The following OLFM1 variants were observed in gnomAD, a reference collection of about 807,000 sequenced individuals.
OLFM1 encodes the protein olfactomedin 1.
In OLFM1, 9 loss-of-function variants were observed where a neutral mutation model predicts 49.7. The ratio of observed to expected loss-of-function variants is 0.18; its 90% CI spans 0.11 to 0.32. OLFM1 has a LOEUF of 0.32. Ranked by LOEUF, OLFM1 falls within the 10% of genes least tolerant of loss-of-function variation. OLFM1 has a pLI of 1.00. For missense variants in OLFM1, 369 were observed against 661.8 expected, an observed-to-expected ratio of 0.56 and a Z score of 4.85; for synonymous variants, 240 against 271.8, an observed-to-expected ratio of 0.88 and a Z score of 1.15.
At chr9:135,085,295 C>T (rs1392646009), upstream of OLFM1, among the ~76,000 whole-genome samples, 2 of 152,218 alleles carry the variant, frequency 1.3e-5, no homozygotes, top group African/African-American at 4.8e-5. Context: ...TGGAACTGTG[C>T]GGACAGCCAG....
In OLFM1 at chr9:135,088,707, C is replaced by A. The variant is rs1265583366; in HGVS notation, c.150+568C>A. ...CCAAAGTCCCAAGGCGCCCTTTCCT[C>A]CCCAGTCCATAGGAGGGTTTGTTCC... On this transcript the variant is annotated intron_variant, in intron 1 of 5. Coordinates refer to ENST00000371793, the MANE Select transcript of OLFM1 (RefSeq NM_001282611.2). The surrounding 1 kb of genome is among the most constrained non-coding windows in gnomAD (Gnocchi z 4.8). 6.6e-6 allele frequency among the ~76,000 whole-genome samples: 1 copy of A among 152,176 alleles called. No individual in the cohort carries two copies. The highest frequency in any genetic ancestry group is 1.5e-5 in the Non-Finnish European group (1 of 68,020).
chr9:135,094,835 T>G (rs1830764948), intron 2 of OLFM1, among the ~76,000 whole-genome samples: 7 of 152,110 alleles, frequency 4.6e-5, no homozygotes, highest in Admixed American at 4.6e-4. Flanking sequence ...CCCAAATGAT[T>G]TTGTTCCTAG....
At chr9:135,076,151 G>C in intron 1 of OLFM1, 2 of 1,550,030 alleles carry the variant, frequency 1.3e-6, no homozygotes. Context: ...AAGAGTGAGA[G>C]CCGGATAGCC....
chr9:135,097,617 C>T (rs546590894), intron 3 of OLFM1, among the ~76,000 whole-genome samples: 12 of 152,266 alleles, frequency 7.9e-5, no homozygotes, highest in Non-Finnish European at 1.3e-4. Context: ...GAAATTGTGA[C>T]GAGGGAATCT....
chr9:135,100,288 G>A (rs140207849), intron 4 of OLFM1, among the ~76,000 whole-genome samples: 3 of 152,262 alleles, frequency 2.0e-5, no homozygotes, highest in African/African-American at 4.8e-5. Context: ...CACCCCTCCC[G>A]GATGAGCTGG....
At position 135,114,263 on chromosome 9, in the gene OLFM1, G is replaced by C. The variant is rs981298321; in HGVS notation, c.784-5241G>C. 2.0e-5 allele frequency among the ~76,000 whole-genome samples: 3 copies of C among 149,468 alleles called. No homozygotes were observed. The South Asian group carries it at 6.4e-4, about 32-fold the overall frequency. On this transcript the variant is annotated intron_variant, in intron 5 of 5. Transcript: ENST00000371793. ...AGCCTCCCGAGTAGCTGGGATTACA[G>C]GCACGTGCCACCATGTCCAGCTAAT...
intron 5 of OLFM1, among the ~76,000 whole-genome samples, chr9:135,112,995 C>G (rs551672557): frequency 6.6e-6 from 1 of 152,184 alleles, no homozygotes; most frequent in Non-Finnish European, 1.5e-5. Flanking sequence ...CCTTGGGAAC[C>G]TGGGTGGAAG....
chr9:135,092,796 G>A (rs1830734177), intron 2 of OLFM1, among the ~76,000 whole-genome samples: 1 of 152,186 alleles, frequency 6.6e-6, no homozygotes, highest in African/African-American at 2.4e-5. Flanking sequence ...ACCATAGCGG[G>A]CACTCTATTT....
At chr9:135,105,485 C>A (rs1017694918) in intron 4 of OLFM1, among the ~76,000 whole-genome samples, 5 of 152,222 alleles carry the variant, frequency 3.3e-5, no homozygotes, top group African/African-American at 7.2e-5. Context: ...CAGTAACAGG[C>A]CACTTCCAGT....
At chr9:135,089,606 C>T (rs947966630) in intron 1 of OLFM1, among the ~76,000 whole-genome samples, 7 of 152,202 alleles carry the variant, frequency 4.6e-5, no homozygotes, top group African/African-American at 1.4e-4. Context: ...TTTCTCGGGT[C>T]GGTCTGTGCC....
chr9:135,091,569 A>T (rs1457926817), intron 2 of OLFM1, among the ~76,000 whole-genome samples: 8 of 150,476 alleles, frequency 5.3e-5, no homozygotes, highest in Admixed American at 2.0e-4. Flanking sequence ...AGTCACACAC[A>T]CACACAGTCA....
rs1386623236 is a variant in OLFM1 at position 135,113,168 on chromosome 9, T to TG, written c.783+6317dup. 1.3e-5 allele frequency among the ~76,000 whole-genome samples: 2 copies of TG among 152,102 alleles called. No individual in the cohort carries two copies. The highest frequency in any genetic ancestry group is 2.4e-5 in the African/African-American group (1 of 41,430). On this transcript the variant is annotated intron_variant, in intron 5 of 5. Coordinates refer to ENST00000371793, the MANE Select transcript of OLFM1 (RefSeq NM_001282611.2). The surrounding 1 kb of genome is among the most constrained non-coding windows in gnomAD (Gnocchi z 4.0). ...TCTGGGCCTCTCTGAAGTGGGGATT[T>TG]GGGGACGGGGTCCCTAAGCCTCTGT...
chr9:135,076,627 C>A, intron 1 of OLFM1: 1 of 1,104,586 alleles, frequency 9.1e-7, no homozygotes, highest in Non-Finnish European at 1.2e-6. Context: ...GCCGAGGGAG[C>A]CGGGCTGCTT....
chr9:135,095,878 T>C lies in OLFM1; in HGVS notation c.315T>C (p.Ser105=). 1 of 1,613,094 alleles carries C rather than the reference T, an allele frequency of 6.2e-7. No homozygotes were observed. The highest frequency in any genetic ancestry group is 8.5e-7 in the Non-Finnish European group (1 of 1,179,494). ...CCTTTTGACAGGTGCAGAACATGTC[T>C]CAATCCATAGAGGTCTTGGACAGGC... ...RQLLEKVQNM[S]QSIEVLDRRT... Residue 105 remains serine, a synonymous_variant, in exon 3 of 6, where the codon TCT becomes TCC. Coordinates refer to ENST00000371793, the MANE Select transcript of OLFM1 (RefSeq NM_001282611.2).
chr9:135,098,606 TCG>T lies in OLFM1; in HGVS notation c.676+104_676+105del. ...TGAAGTGGACAGCGCCCGCCTGGCT[TCG>T]CGAGGTGATGGCTGGATTAGGGCTC... On this transcript the variant is annotated intron_variant, in intron 4 of 5. Coordinates refer to ENST00000371793, the MANE Select transcript of OLFM1 (RefSeq NM_001282611.2). The surrounding 1 kb of genome is among the most constrained non-coding windows in gnomAD (Gnocchi z 5.6). 9.3e-7 allele frequency: 1 copy of T among 1,079,596 alleles called. No homozygotes were observed. Among genetic ancestry groups the T allele is most frequent in the Non-Finnish European group, 1.4e-6 (1 of 731,396 alleles). The allele number at this position is 1,079,596 out of a possible 1,614,324, so 66.9% of individuals were successfully genotyped here.
chr9:135,109,515 C>A (rs1253139375), intron 5 of OLFM1, among the ~76,000 whole-genome samples: 2 of 152,102 alleles, frequency 1.3e-5, no homozygotes, highest in Non-Finnish European at 2.9e-5. Flanking sequence ...GGCAGAGGAG[C>A]CACCCGGAGC....
chr9:135,090,106 C>G, intron 1 of OLFM1, 89 bp from the exon 2 acceptor site: 1 of 1,230,362 alleles, frequency 8.1e-7, no homozygotes. Context: ...TGGATGTGGA[C>G]AGTTTCCCCT....
At chr9:135,108,910 G>A (rs891028733) in intron 5 of OLFM1, among the ~76,000 whole-genome samples, 3 of 152,060 alleles carry the variant, frequency 2.0e-5, no homozygotes, top group African/African-American at 4.8e-5. Flanking sequence ...ACTCCAAGCC[G>A]AGTCCCTTAT....
At chr9:135,112,340 T>G (rs2119137737) in intron 5 of OLFM1, among the ~76,000 whole-genome samples, 1 of 152,366 alleles carries the variant, frequency 6.6e-6, no homozygotes, top group Non-Finnish European at 1.5e-5. Flanking sequence ...CAGGCTGCAC[T>G]GGCCTTCTGT....
Sources: gnomAD v4.1 joint callset for allele counts (sites outside exome capture counted in the v4.1 genomes callset) on GRCh38, gnomAD v4.1.1 for gene constraint, Gnocchi (gnomAD v3.1) non-coding constraint, MANE v1.5 for transcripts, NCBI Gene and HGNC (gene_info 2026-07-23, HGNC 2026-07-21) for gene names.